The following HBP1 variants were observed in gnomAD, a reference collection of about 807,000 sequenced individuals.
HBP1 encodes the protein HMG-box transcription factor 1, also known as HMG box-containing protein 1.
Under a neutral mutation model 62.6 loss-of-function variants are expected in HBP1, and 20 were observed. The ratio of observed to expected loss-of-function variants is 0.32; its 90% CI spans 0.22 to 0.46. The LOEUF is 0.46. Among genes scored for constraint, HBP1 ranks in the 20% least tolerant of loss-of-function variants. The pLI, the probability that HBP1 is intolerant of heterozygous loss-of-function variation, is 1.00. For missense variants in HBP1, 480 were observed against 611.8 expected (o/e 0.78, Z 2.27); for synonymous variants, 232 against 206.2 (o/e 1.12, Z -1.07).
At chr7:107,179,298 A>G (rs1019902901) in intron 1 of HBP1, among the ~76,000 whole-genome samples, 1 of 152,192 alleles carries the variant, frequency 6.6e-6, no homozygotes, top group Non-Finnish European at 1.5e-5. Context: ...AAATAAAAGT[A>G]TATACAATGC....
At chr7:107,170,134 A>G (rs1796485284) in intron 1 of HBP1, 1 of 985,352 alleles carries the variant, frequency 1.0e-6, no homozygotes. Context: ...CAGCGAGGTA[A>G]TACTCAAGTT....
At chr7:107,179,346 C>A (rs1797002395) in intron 1 of HBP1, among the ~76,000 whole-genome samples, 1 of 151,954 alleles carries the variant, frequency 6.6e-6, no homozygotes, top group South Asian at 2.1e-4. Context: ...TTTTATAATT[C>A]AAGATATTAA....
intron 10 of HBP1, 78 bp from the exon 11 acceptor site, chr7:107,201,336 A>C (rs1798281130): frequency 1.2e-6 from 1 of 833,030 alleles, no homozygotes; most frequent in Non-Finnish European, 2.0e-6. Context: ...TAAACATCTT[A>C]TACATCTTAG....
At chr7:107,180,475 A>G (rs903307993) in intron 2 of HBP1, among the ~76,000 whole-genome samples, 3 of 152,198 alleles carry the variant, frequency 2.0e-5, no homozygotes, top group African/African-American at 4.8e-5. Flanking sequence ...GGTTGTTACT[A>G]TTGCTAAACT....
intron 9 of HBP1, chr7:107,196,645 G>T (rs2115986273): frequency 4.8e-6 from 1 of 209,512 alleles, no homozygotes; most frequent in East Asian, 1.4e-4. Flanking sequence ...TAGACAATTA[G>T]GTTATCTACC....
intron 8 of HBP1, among the ~76,000 whole-genome samples, chr7:107,195,024 A>G (rs539126277): frequency 2.8e-4 from 42 of 152,242 alleles, no homozygotes; most frequent in Admixed American, 7.8e-4. Flanking sequence ...ATTACTGGGC[A>G]TTTTAAGTTC....
At chr7:107,189,514 C>A in intron 7 of HBP1, 66 bp downstream of exon 7, 1 of 1,254,144 alleles carries the variant, frequency 8.0e-7, no homozygotes, top group Non-Finnish European at 1.1e-6. Flanking sequence ...GTAATTATGT[C>A]TGTAGCTTTG....
chr7:107,177,418 T>C (rs1324969074), intron 1 of HBP1, among the ~76,000 whole-genome samples: 1 of 152,242 alleles, frequency 6.6e-6, no homozygotes, highest in Non-Finnish European at 1.5e-5. Context: ...TATAGGCAGA[T>C]AGCATCCAAA....
intron 1 of HBP1, among the ~76,000 whole-genome samples, chr7:107,169,480 C>T (rs1796440861): frequency 3.5e-5 from 1 of 28,858 alleles, no homozygotes; most frequent in African/African-American, 1.5e-4. Flanking sequence ...GTGGCCGGGC[C>T]GGGTGTGGAG....
intron 9 of HBP1, among the ~76,000 whole-genome samples, chr7:107,199,331 C>T (rs564303921): frequency 3.3e-5 from 5 of 152,318 alleles, no homozygotes; most frequent in Non-Finnish European, 5.9e-5. Flanking sequence ...ATCTGCCCGC[C>T]TTGGCCTCCA....
chr7:107,201,513 C>T lies in HBP1; in HGVS notation c.*82C>T, dbSNP rs1356321808. 1 of 807,014 alleles carries T rather than the reference C, an allele frequency of 1.2e-6. No individual in the cohort carries two copies. The highest frequency in any genetic ancestry group is 2.1e-5 in the Admixed American group (1 of 47,238). The allele number at this position is 807,014 out of a possible 1,614,324, so 50.0% of individuals were successfully genotyped here. The stretch of plus-strand genomic sequence containing the variant: ...AAGACTTAAGAAGATCAAGGTCTCA[C>T]CATTTGTCCTCAATTCGTGTGACCA... On this transcript the variant is annotated 3_prime_UTR_variant, in exon 11 of 11. Coordinates refer to ENST00000222574, the MANE Select transcript of HBP1 (RefSeq NM_012257.4).
At chr7:107,198,947 TCCTA>T (rs1210467076) in intron 9 of HBP1, among the ~76,000 whole-genome samples, 5 of 152,236 alleles carry the variant, frequency 3.3e-5, no homozygotes, top group African/African-American at 9.6e-5. Flanking sequence ...TCATGTTCTT[TCCTA>T]CTGTGGATGA....
chr7:107,200,052 G>A, intron 9 of HBP1, 108 bp from the exon 10 acceptor site: 4 of 870,738 alleles, frequency 4.6e-6, no homozygotes, highest in Non-Finnish European at 6.8e-6. Context: ...TGATAGACAA[G>A]ATTTTCATCT....
chr7:107,191,832 C>T (rs1442070705), intron 8 of HBP1, among the ~76,000 whole-genome samples: 3 of 152,106 alleles, frequency 2.0e-5, no homozygotes, highest in Non-Finnish European at 4.4e-5. Context: ...ATAATTATGT[C>T]AGGGGTCCCT....
chr7:107,196,281 G>A lies in HBP1; in HGVS notation c.1385+130G>A, dbSNP rs114761193. The A allele has an allele frequency of 6.3e-3, 4,584 of 730,154 alleles. 154 individuals are homozygous for A. In the African/African-American group the frequency reaches 0.067, roughly 11 times the overall value. 45.2% of individuals were successfully genotyped at this position (730,154 alleles called of 1,614,324 possible). ...AACTCTTAGGTTGACTTTTTTGTTT[G>A]TTTTTGAGACGGAGTCTCGCTGTGT... On this transcript the variant is annotated intron_variant, in intron 9 of 10. Transcript: ENST00000222574.
At chr7:107,183,543 A>T in intron 3 of HBP1, among the ~76,000 whole-genome samples, 1 of 152,064 alleles carries the variant, frequency 6.6e-6, no homozygotes. Flanking sequence ...CAGAGTTGTT[A>T]TTTCCTTTAT....
intron 1 of HBP1, among the ~76,000 whole-genome samples, chr7:107,171,784 C>T (rs192220966): frequency 2.0e-5 from 3 of 147,218 alleles, no homozygotes; most frequent in East Asian, 2.0e-4. Context: ...CGCTTGAACC[C>T]GGGAGGCAGA....
intron 2 of HBP1, among the ~76,000 whole-genome samples, chr7:107,181,027 A>C (rs962348211): frequency 6.6e-6 from 1 of 152,324 alleles, no homozygotes; most frequent in East Asian, 1.9e-4. Context: ...AATGTTGGTC[A>C]AAGGCAGTGA....
chr7:107,186,614 A>G lies in HBP1; in HGVS notation c.698A>G (p.Asp233Gly), dbSNP rs764870627. ...AAGGGAAGCAATAAGGAATGGCAAG[A>G]TGTTGAAGATTTTGCTAGAGCTGAA... ...FHKGSNKEWQ[D>G]VEDFARAEGC... The change falls in exon 6 of 11, where the codon GAT becomes GGT. Residue 233 changes from aspartate (D) to glycine (G), a missense_variant. Asp to Gly is a moderately conservative substitution (Grantham distance 94). Coordinates refer to ENST00000222574, the MANE Select transcript of HBP1 (RefSeq NM_012257.4). 24 of 1,613,770 alleles carry G rather than the reference A, an allele frequency of 1.5e-5. No individual in the cohort carries two copies. The highest frequency in any genetic ancestry group is 2.0e-5 in the Non-Finnish European group (24 of 1,179,772).
Sources: gnomAD v4.1 joint callset for allele counts (sites outside exome capture counted in the v4.1 genomes callset) on GRCh38, gnomAD v4.1.1 for gene constraint, MANE v1.5 for transcripts, NCBI Gene and HGNC (gene_info 2026-07-23, HGNC 2026-07-21) for gene names.